ERC2: variants seen among roughly 807,000 people sequenced by gnomAD.
ERC2 encodes the protein ELKS/RAB6-interacting/CAST family member 2, also known as ERC protein 2.
In ERC2, 42 loss-of-function variants were observed where a neutral mutation model predicts 114.8. That is an observed-to-expected ratio of 0.37 (90% CI 0.29 to 0.47). The LOEUF (loss-of-function observed/expected upper bound fraction) is 0.47, where lower values mean the gene tolerates loss of function less well. Among genes scored for constraint, ERC2 ranks in the 20% least tolerant of loss-of-function variants. ERC2 has a pLI of 0.99. For missense variants in ERC2, 939 were observed against 1,150.7 expected (o/e 0.82, Z 2.66); for synonymous variants, 454 against 425.5 (o/e 1.07, Z -0.82).
intron 17 of ERC2, among the ~76,000 whole-genome samples, chr3:55,551,061 G>A (rs534301223): frequency 8.5e-4 from 129 of 151,526 alleles, no homozygotes; most frequent in Non-Finnish European, 1.4e-3. Context: ...ATAAGCCTCT[G>A]TGTTAGCCAT....
intron 14 of ERC2, among the ~76,000 whole-genome samples, chr3:55,845,803 A>C (rs1191111326): frequency 6.6e-6 from 1 of 152,244 alleles, no homozygotes; most frequent in African/African-American, 2.4e-5. Flanking sequence ...ACAGGAGACC[A>C]ACTAAATTTT....
chr3:56,073,300 C>T (rs2076824577), intron 7 of ERC2, among the ~76,000 whole-genome samples: 1 of 152,158 alleles, frequency 6.6e-6, no homozygotes, highest in African/African-American at 2.4e-5. Context: ...CTCCTGTAGA[C>T]CAGGGCTTCT....
rs1189141058 is a variant in ERC2, at chr3:56,359,542, G to C, written c.658-63107C>G. 2.6e-5 allele frequency among the ~76,000 whole-genome samples: 4 copies of C among 152,322 alleles called. No individual in the cohort carries two copies. In the East Asian group the frequency reaches 7.7e-4, roughly 29 times the overall value. On this transcript the variant is annotated intron_variant, in intron 2 of 17. Coordinates refer to ENST00000288221, the MANE Select transcript of ERC2 (RefSeq NM_015576.3). ...AAAATAGACATTATTATTCCCATTA[G>C]ACAGAACAGGAAACCAAGACAAAGT...
chr3:56,236,475 T>C (rs754360206), intron 3 of ERC2, among the ~76,000 whole-genome samples: 2 of 152,180 alleles, frequency 1.3e-5, no homozygotes, highest in Non-Finnish European at 2.9e-5. Context: ...TGCTTTTCCT[T>C]TCTAAAGGAG....
At position 56,281,436 on chromosome 3, in the gene ERC2, C is replaced by CAAAA. The variant is rs71099629; in HGVS notation, c.1074+14579_1074+14582dup. 9.9e-3 allele frequency among the ~76,000 whole-genome samples: 469 copies of CAAAA among 47,404 alleles called. 42 individuals are homozygous for CAAAA. The highest frequency in any genetic ancestry group is 0.025 in the Middle Eastern group (1 of 40). 31.1% of individuals were successfully genotyped at this position (47,404 alleles called of 152,430 possible). ...TGGGTGACAGAGCAAGACTCCGTCT[C>CAAAA]AAAAAAAAAAAAAAAAAAAAAAAAG... On this transcript the variant is annotated intron_variant, in intron 3 of 17. Transcript: ENST00000288221.
intron 7 of ERC2, among the ~76,000 whole-genome samples, chr3:56,025,626 CT>C (rs2073992696): frequency 8.5e-5 from 13 of 152,300 alleles, no homozygotes; most frequent in Admixed American, 7.2e-4. Context: ...TCTGACTTCC[CT>C]GTCTCTGACC....
chr3:56,371,193 A>G (rs970795237), intron 2 of ERC2, among the ~76,000 whole-genome samples: 3 of 152,212 alleles, frequency 2.0e-5, no homozygotes, highest in Non-Finnish European at 2.9e-5. Context: ...TAGCCAGACT[A>G]TACAAGACAA....
chr3:55,968,776 C>T (rs2068938129), intron 12 of ERC2, among the ~76,000 whole-genome samples: 1 of 152,190 alleles, frequency 6.6e-6, no homozygotes. Context: ...TAGCTGCTAA[C>T]TCCAGCCATC....
intron 12 of ERC2, among the ~76,000 whole-genome samples, chr3:55,984,449 G>T (rs1292188318): frequency 6.6e-6 from 1 of 152,190 alleles, no homozygotes; most frequent in Non-Finnish European, 1.5e-5. Flanking sequence ...AGAGGTACAG[G>T]TTAGGGCAGC....
chr3:56,408,365 G>C (rs905122584), intron 2 of ERC2, among the ~76,000 whole-genome samples: 1 of 152,186 alleles, frequency 6.6e-6, no homozygotes, highest in Non-Finnish European at 1.5e-5. Flanking sequence ...CAGAGCTGAA[G>C]GTTGCCAGTG....
At chr3:56,442,283 C>G (rs1185146893) in intron 1 of ERC2, among the ~76,000 whole-genome samples, 1 of 152,096 alleles carries the variant, frequency 6.6e-6, no homozygotes, top group Non-Finnish European at 1.5e-5. Flanking sequence ...TGCAGTGGAG[C>G]GAACTCGCCT....
At chr3:56,379,577 T>C (rs988882798) in intron 2 of ERC2, among the ~76,000 whole-genome samples, 2 of 152,138 alleles carry the variant, frequency 1.3e-5, no homozygotes, top group Non-Finnish European at 2.9e-5. Context: ...GTGGTGATGC[T>C]TGGATTTCAA....
At chr3:56,169,968 C>A (rs2082546519) in intron 4 of ERC2, among the ~76,000 whole-genome samples, 1 of 152,172 alleles carries the variant, frequency 6.6e-6, no homozygotes. Flanking sequence ...AGCCTTTCAA[C>A]TGTCATTCTT....
intron 14 of ERC2, among the ~76,000 whole-genome samples, chr3:55,856,561 T>G (rs1575869618): frequency 6.6e-6 from 1 of 152,258 alleles, no homozygotes; most frequent in South Asian, 2.1e-4. Context: ...AAGACACACA[T>G]GTATATGTCT....
intron 17 of ERC2, among the ~76,000 whole-genome samples, chr3:55,608,972 C>T (rs2058763896): frequency 6.6e-6 from 1 of 152,210 alleles, no homozygotes; most frequent in Non-Finnish European, 1.5e-5. Flanking sequence ...TACACCATCA[C>T]TACTTGTTTG....
intron 13 of ERC2, among the ~76,000 whole-genome samples, chr3:55,932,436 GT>G (rs2066155218): frequency 6.6e-6 from 1 of 152,152 alleles, no homozygotes; most frequent in African/African-American, 2.4e-5. Context: ...TGGATATCAT[GT>G]TTTCTTAGTA....
At chr3:55,812,410 T>G (rs1174768732) in intron 14 of ERC2, among the ~76,000 whole-genome samples, 1 of 152,206 alleles carries the variant, frequency 6.6e-6, no homozygotes, top group African/African-American at 2.4e-5. Context: ...AAAGAATACA[T>G]AATCAATTAT....
Position 55,553,011 on chromosome 3 carries a change from A to ATTT in ERC2, c.*40-41738_*40-41736dup, listed in dbSNP as rs66602607. 3.8e-3 allele frequency among the ~76,000 whole-genome samples: 211 copies of ATTT among 55,218 alleles called. 52 individuals are homozygous for ATTT. Among genetic ancestry groups the ATTT allele is most frequent in the Non-Finnish European group, 5.5e-3 (166 of 30,190 alleles). 36.2% of individuals were successfully genotyped at this position (55,218 alleles called of 152,430 possible). A position where few individuals can be genotyped will look rare whatever the true frequency, so the allele number is the denominator to read the frequency against. On this transcript the variant is annotated intron_variant, in intron 17 of 17. Coordinates refer to ENST00000288221, the MANE Select transcript of ERC2 (RefSeq NM_015576.3). ...GTCGTTATTATTGTGGGGCTTCCAG[A>ATTT]TTTTTTTTTTTTTTTTTTTTTTTTT... is the stretch of plus-strand genomic sequence containing the variant.
chr3:55,909,378 GA>G (rs2064664210), intron 13 of ERC2, among the ~76,000 whole-genome samples: 2 of 152,220 alleles, frequency 1.3e-5, no homozygotes, highest in Non-Finnish European at 2.9e-5. Flanking sequence ...TCTTGATACA[GA>G]GGAGAGATAA....
Sources: allele counts gnomAD v4.1 joint callset (sites outside exome capture counted in the v4.1 genomes callset), GRCh38; gene constraint gnomAD v4.1.1; transcripts MANE v1.5; gene names NCBI Gene and HGNC (gene_info 2026-07-23, HGNC 2026-07-21).